Variants in SNTG2 observed in about 807,000 individuals in gnomAD.
SNTG2 encodes the protein syntrophin gamma 2, also known as gamma-2-syntrophin.
SNTG2 carries 74 observed loss-of-function variants against 70.9 expected under a neutral mutation model. That is an observed-to-expected ratio of 1.04 (90% CI 0.86 to 1.27). The LOEUF is 1.27. Ranked by LOEUF, SNTG2 falls within the 50% of genes most tolerant of loss-of-function variation. The pLI is 0.00. For synonymous variants in SNTG2, 278 were observed against 273.8 expected (o/e 1.02, Z -0.15); for missense variants, 717 against 690.7 (o/e 1.04, Z -0.43).
At chr2:1,148,044 G>A (rs1014350313) in intron 6 of SNTG2, among the ~76,000 whole-genome samples, 1 of 152,206 alleles carries the variant, frequency 6.6e-6, no homozygotes, top group African/African-American at 2.4e-5. Flanking sequence ...GAATGAATGA[G>A]CTGGTGGTTG....
chr2:974,361 C>A (rs1660844307), intron 1 of SNTG2, among the ~76,000 whole-genome samples: 1 of 152,200 alleles, frequency 6.6e-6, no homozygotes, highest in Admixed American at 6.5e-5. Flanking sequence ...CACGAGTGTT[C>A]CCCCACAGGA....
chr2:982,818 C>T (rs148768651), intron 1 of SNTG2, among the ~76,000 whole-genome samples: 19 of 152,158 alleles, frequency 1.2e-4, no homozygotes, highest in African/African-American at 4.1e-4. Context: ...AACTGAGCCT[C>T]GCCTAGAATG....
intron 1 of SNTG2, among the ~76,000 whole-genome samples, chr2:972,122 GGGGT>G (rs1660764296): frequency 6.6e-6 from 1 of 152,026 alleles, no homozygotes; most frequent in Non-Finnish European, 1.5e-5. Context: ...CTGTTGTTTG[GGGGT>G]ATAGAGCTCT....
intron 9 of SNTG2, among the ~76,000 whole-genome samples, chr2:1,212,247 A>G (rs1216690137): frequency 2.0e-5 from 3 of 152,004 alleles, no homozygotes; most frequent in Non-Finnish European, 4.4e-5. Flanking sequence ...GTCATTTAAA[A>G]CTGTGTGGCA....
chr2:1,168,922 G>T (rs562445799), intron 7 of SNTG2, among the ~76,000 whole-genome samples: 2 of 152,186 alleles, frequency 1.3e-5, no homozygotes, highest in African/African-American at 4.8e-5. Flanking sequence ...TTAAGGGAGC[G>T]AAATGTCACA....
intron 10 of SNTG2, 82 bp downstream of exon 10, chr2:1,238,099 TATG>T (rs374778403): frequency 2.7e-6 from 4 of 1,489,614 alleles, no homozygotes; most frequent in Middle Eastern, 1.7e-4. Context: ...TCTGATGATT[TATG>T]ATTAACCCGA....
intron 9 of SNTG2, among the ~76,000 whole-genome samples, chr2:1,214,628 AAC>A (rs771230770): frequency 2.0e-5 from 3 of 152,110 alleles, no homozygotes; most frequent in Non-Finnish European, 4.4e-5. Context: ...TATTAAGTCT[AAC>A]AGTTTTTTTG....
At chr2:1,156,492 G>T (rs1030738037) in intron 6 of SNTG2, among the ~76,000 whole-genome samples, 1 of 152,194 alleles carries the variant, frequency 6.6e-6, no homozygotes, top group East Asian at 1.9e-4. Flanking sequence ...ACAGGTTGAG[G>T]CGTGTCCTGC....
rs565518121 is a variant in SNTG2, at chr2:1,148,289, G to C, written c.411+10480G>C. Among the ~76,000 whole-genome samples, 168 of 152,310 alleles carry C rather than the reference G, an allele frequency of 1.1e-3. 1 individual carries two copies. Among genetic ancestry groups the C allele is most frequent in the Non-Finnish European group, 2.2e-3 (152 of 68,026 alleles). On this transcript the variant is annotated intron_variant, in intron 6 of 16. Transcript: ENST00000308624. ...CTCCTTATTTCCCACATGGAGAAGAGAGGGCCTGGCCCACTCCTTATTTCT... is the reference window on the plus strand; with the variant it reads ...CTCCTTATTTCCCACATGGAGAAGACAGGGCCTGGCCCACTCCTTATTTCT...
intron 1 of SNTG2, among the ~76,000 whole-genome samples, chr2:1,066,939 C>T (rs1475664434): frequency 1.3e-5 from 2 of 152,160 alleles, no homozygotes; most frequent in Non-Finnish European, 2.9e-5. Flanking sequence ...CTCATCTCCT[C>T]TGCAAAACTT....
At chr2:1,364,169 A>G in intron 16 of SNTG2, among the ~76,000 whole-genome samples, 2 of 141,284 alleles carry the variant, frequency 1.4e-5, no homozygotes. Flanking sequence ...TTTGGTAGGG[A>G]CAGCATTTCA....
intron 1 of SNTG2, among the ~76,000 whole-genome samples, chr2:1,018,972 A>T (rs1367219198): frequency 2.0e-5 from 3 of 152,016 alleles, no homozygotes; most frequent in Non-Finnish European, 2.9e-5. Flanking sequence ...CAGGTTTCCC[A>T]CTTGATGAGA....
At chr2:1,351,778 C>A (rs1380723169) in intron 16 of SNTG2, among the ~76,000 whole-genome samples, 2 of 152,208 alleles carry the variant, frequency 1.3e-5, no homozygotes, top group Non-Finnish European at 2.9e-5. Context: ...GTGTCTCTGA[C>A]CTGGTTGTTC....
intron 1 of SNTG2, among the ~76,000 whole-genome samples, chr2:1,046,726 C>A (rs1050757808): frequency 6.6e-6 from 1 of 152,170 alleles, no homozygotes; most frequent in Admixed American, 6.5e-5. Context: ...GAAAGGTCTG[C>A]TGTTAGCCTG....
intron 4 of SNTG2, among the ~76,000 whole-genome samples, chr2:1,120,310 A>G (rs1159432397): frequency 6.6e-6 from 1 of 152,188 alleles, no homozygotes; most frequent in African/African-American, 2.4e-5. Context: ...AGAAAATAAG[A>G]GAATTGCATT....
intron 1 of SNTG2, among the ~76,000 whole-genome samples, chr2:1,071,499 G>T (rs868305815): frequency 1.8e-4 from 20 of 112,156 alleles, no homozygotes; most frequent in African/African-American, 5.2e-4. Context: ...TGGGGACTGT[G>T]GTGGGGTGGG....
intron 1 of SNTG2, among the ~76,000 whole-genome samples, chr2:1,031,619 C>T (rs1170588494): frequency 2.0e-5 from 3 of 148,210 alleles, no homozygotes; most frequent in Non-Finnish European, 4.4e-5. Flanking sequence ...CAACCTCCGC[C>T]TCCAGGGTTC....
rs184234415 is a variant in SNTG2, at chr2:996,959, G to T, written c.72+45891G>T. On this transcript the variant is annotated intron_variant, in intron 1 of 16. Transcript: ENST00000308624. ...TCAAGTGAGACTTTTTTTCTGTTTT[G>T]CCAATACTAGTACCCTATGTGTGTC... is the stretch of plus-strand genomic sequence containing the variant. 2.8e-4 allele frequency among the ~76,000 whole-genome samples: 43 copies of T among 151,784 alleles called. No individual in the cohort carries two copies. The East Asian group carries it at 8.0e-3, about 28-fold the overall frequency.
rs1680811763 is a variant in SNTG2 at position 1,308,423 on chromosome 2, T to C, written c.1285-71T>C. 1.2e-5 allele frequency: 17 copies of C among 1,376,534 alleles called. 1 individual carries two copies. In the South Asian group the frequency reaches 2.1e-4, roughly 17 times the overall value. 85.3% of individuals were successfully genotyped at this position (1,376,534 alleles called of 1,614,324 possible). On this transcript the variant is annotated intron_variant, in intron 14 of 16. Transcript: ENST00000308624. ...ATTTTTGACCAAAGGGGGGTTAATATGGAGACTACCTAATTAAAGTTAAAC... is the reference window on the plus strand; with the variant it reads ...ATTTTTGACCAAAGGGGGGTTAATACGGAGACTACCTAATTAAAGTTAAAC...
Sources: gnomAD v4.1 joint callset for allele counts (sites outside exome capture counted in the v4.1 genomes callset) on GRCh38, gnomAD v4.1.1 for gene constraint, MANE v1.5 for transcripts, NCBI Gene and HGNC (gene_info 2026-07-23, HGNC 2026-07-21) for gene names.